Variants in FHAD1 observed in about 807,000 individuals in gnomAD.
FHAD1 encodes the protein forkhead-associated domain-containing protein 1.
A neutral mutation model predicts 191.3 loss-of-function variants in FHAD1; 146 were observed. The ratio of observed to expected loss-of-function variants is 0.76; its 90% CI spans 0.67 to 0.88. FHAD1 has a LOEUF of 0.88. Among genes scored for constraint, FHAD1 ranks in the 40% least tolerant of loss-of-function variants. The pLI is 0.00. For synonymous variants in FHAD1, 616 were observed against 672.3 expected (o/e 0.92, Z 1.29); for missense variants, 1,635 against 1,785.8 (o/e 0.92, Z 1.52).
chr1:15,395,307 C>CAAA (rs34527814), intron 33 of FHAD1, among the ~76,000 whole-genome samples: 6 of 101,426 alleles, frequency 5.9e-5, no homozygotes, highest in African/African-American at 1.7e-4. Context: ...GACTCCATCT[C>CAAA]AAAAAAAAAA....
chr1:15,362,515 G>T, intron 22 of FHAD1, 127 bp from the exon 23 acceptor site: 1 of 722,312 alleles, frequency 1.4e-6, no homozygotes, highest in Non-Finnish European at 2.4e-6. Context: ...ACACGTGCAG[G>T]TCTCACAAGG....
At chr1:15,376,045 T>TTTTATTTATTTATTTA (rs1236529137) in intron 28 of FHAD1, among the ~76,000 whole-genome samples, 12 of 130,796 alleles carry the variant, frequency 9.2e-5, no homozygotes, top group African/African-American at 1.4e-4. Context: ...TTTATTTTTA[T>TTTTATTTATTTATTTA]TTTATTTATT....
intron 3 of FHAD1, among the ~76,000 whole-genome samples, chr1:15,281,968 A>AC (rs1487801433): frequency 1.3e-5 from 2 of 151,984 alleles, no homozygotes; most frequent in Admixed American, 1.3e-4. Flanking sequence ...GCTATAATCC[A>AC]CCTGATGTTA....
rs182248554 is a variant in FHAD1 at position 15,293,557 on chromosome 1, A to C, written c.569-3127A>C. On this transcript the variant is annotated intron_variant, in intron 4 of 33. Transcript: ENST00000688493. ...ACATGGTGAAACCCCATCTCTACTA[A>C]AAATACAAAAATTAGCTGGGTGTGG... Among the ~76,000 whole-genome samples, 634 of 152,244 alleles carry C rather than the reference A, an allele frequency of 4.2e-3. 7 individuals carry two copies. Among genetic ancestry groups the C allele is most frequent in the African/African-American group, 0.015 (610 of 41,534 alleles).
intron 31 of FHAD1, 107 bp downstream of exon 31, chr1:15,382,300 A>G (rs1701103982): frequency 2.6e-6 from 3 of 1,168,484 alleles, no homozygotes; most frequent in Non-Finnish European, 2.4e-6. Context: ...GAACACAGGG[A>G]TGGATGCAAA....
chr1:15,270,791 C>G (rs1225428634), intron 2 of FHAD1, among the ~76,000 whole-genome samples: 1 of 151,908 alleles, frequency 6.6e-6, no homozygotes, highest in African/African-American at 2.4e-5. Context: ...CCTGTAATCC[C>G]AGCACTTTAG....
At chr1:15,362,122 C>T (rs1007701374) in intron 22 of FHAD1, among the ~76,000 whole-genome samples, 2 of 152,164 alleles carry the variant, frequency 1.3e-5, no homozygotes, top group Non-Finnish European at 2.9e-5. Context: ...TTGTCACCCC[C>T]GTACTTAGAC....
chr1:15,394,272 G>T (rs1446572526), intron 33 of FHAD1, among the ~76,000 whole-genome samples: 19 of 152,228 alleles, frequency 1.2e-4, no homozygotes, highest in Non-Finnish European at 1.8e-4. Flanking sequence ...GAGACCTGGG[G>T]ACCTGGGACT....
chr1:15,309,853 G>A (rs1035236447), intron 7 of FHAD1, among the ~76,000 whole-genome samples: 1 of 152,108 alleles, frequency 6.6e-6, no homozygotes, highest in East Asian at 1.9e-4. Flanking sequence ...AGGCCCCTGG[G>A]AACGGTATGC....
Position 15,308,617 on chromosome 1 carries a change from G to T in FHAD1, c.920G>T (p.Ser307Ile). ...CTGTGCCACCTCCTCCCACAGATCA[G>T]TGCCCTACAGAAAGGCTACAGCAAG... The part of the protein sequence containing the change: ...KEIQSLKSQI[S>I]ALQKGYSKVL... Residue 307 changes from serine to isoleucine, a missense_variant, in exon 7 of 34, where the codon AGT (serine) becomes ATT (isoleucine). Ser to Ile is a moderately radical substitution (Grantham distance 142, BLOSUM62 -2). Coordinates refer to ENST00000688493, the MANE Select transcript of FHAD1 (RefSeq NM_001391957.1). 1 of 1,551,732 alleles carries T rather than the reference G, an allele frequency of 6.4e-7. No homozygotes were observed. The highest frequency in any genetic ancestry group is 2.4e-5 in the East Asian group (1 of 40,920).
At chr1:15,257,893 G>A (rs1649052374) in intron 2 of FHAD1, among the ~76,000 whole-genome samples, 1 of 152,192 alleles carries the variant, frequency 6.6e-6, no homozygotes, top group Non-Finnish European at 1.5e-5. Context: ...CCAGGCTGGA[G>A]TGCGGTGGCA....
At chr1:15,309,282 G>GATTCATTCATTCATTC (rs537939587) in intron 7 of FHAD1, among the ~76,000 whole-genome samples, 14 of 152,160 alleles carry the variant, frequency 9.2e-5, no homozygotes, top group African/African-American at 2.9e-4. Context: ...TCTTAGCCTG[G>GATTCATTCATTCATTC]ATTCATTCAT....
At chr1:15,266,301 G>T (rs1262546060) in intron 2 of FHAD1, among the ~76,000 whole-genome samples, 2 of 151,752 alleles carry the variant, frequency 1.3e-5, no homozygotes, top group African/African-American at 2.4e-5. Flanking sequence ...TAGAGATAGG[G>T]TCTCCTTATG....
At chr1:15,385,382 C>T (rs771144791) in intron 31 of FHAD1, among the ~76,000 whole-genome samples, 1 of 151,742 alleles carries the variant, frequency 6.6e-6, no homozygotes, top group South Asian at 2.1e-4. Context: ...CTCTGGGAAA[C>T]GAAATTACTC....
chr1:15,398,145 GCTGGGC>G lies in FHAD1; in HGVS notation c.*736_*741del, dbSNP rs1465937836. The G allele has an allele frequency of 1.1e-4, 16 of 150,340 alleles. No homozygotes were observed. Among genetic ancestry groups the G allele is most frequent in the African/African-American group, 3.4e-4 (14 of 40,790 alleles). 9.3% of individuals were successfully genotyped at this position (150,340 alleles called of 1,614,324 possible). A position where few individuals can be genotyped will look rare whatever the true frequency, so the allele number is the denominator to read the frequency against. ...CTGTCTTTAAAAAAAAAAAAAAATG[GCTGGGC>G]CTGTAATCCCAGCTACTCGGGAGGC... On this transcript the variant is annotated 3_prime_UTR_variant, in exon 34 of 34. Transcript: ENST00000688493.
rs189745927 is a variant in FHAD1, at chr1:15,252,173, G to A, written c.93+296G>A. Among the ~76,000 whole-genome samples the A allele has an allele frequency of 1.1e-3, 169 of 152,294 alleles. 1 individual carries two copies. Among genetic ancestry groups the A allele is most frequent in the Admixed American group, 2.3e-3 (35 of 15,294 alleles). On this transcript the variant is annotated intron_variant, in intron 2 of 33. Coordinates refer to ENST00000688493, the MANE Select transcript of FHAD1 (RefSeq NM_001391957.1). ...TGAGCCCCAAAGTAGGGCTTATCCCGAGAGGGTTCTTGGCTTTGCACAGGA... is the reference window on the plus strand; with the variant it reads ...TGAGCCCCAAAGTAGGGCTTATCCCAAGAGGGTTCTTGGCTTTGCACAGGA...
chr1:15,254,095 C>G (rs1225418510), intron 2 of FHAD1, among the ~76,000 whole-genome samples: 1 of 152,142 alleles, frequency 6.6e-6, no homozygotes, highest in African/African-American at 2.4e-5. Flanking sequence ...ACACAGAAAA[C>G]TGTTCAGTGT....
chr1:15,280,358 G>T (rs992695440), intron 3 of FHAD1, among the ~76,000 whole-genome samples: 1 of 152,156 alleles, frequency 6.6e-6, no homozygotes, highest in Admixed American at 6.6e-5. Flanking sequence ...AAGATCCTGA[G>T]ACCAGGTTTT....
upstream of FHAD1, among the ~76,000 whole-genome samples, chr1:15,246,459 G>GTTGCTCTGCCCTCAAGT (rs373946139): frequency 1.3e-5 from 2 of 151,916 alleles, no homozygotes; most frequent in African/African-American, 2.4e-5. Context: ...GAGTCAGCAG[G>GTTGCTCTGCCCTCAAGT]AGATAGGATT....
Sources: allele counts gnomAD v4.1 joint callset (sites outside exome capture counted in the v4.1 genomes callset), GRCh38; gene constraint gnomAD v4.1.1; transcripts MANE v1.5; gene names NCBI Gene and HGNC (gene_info 2026-07-23, HGNC 2026-07-21).